Variants in STX1A observed in about 807,000 individuals in gnomAD.
STX1A encodes the protein syntaxin-1A.
A neutral mutation model predicts 37.8 loss-of-function variants in STX1A; 4 were observed. The ratio of observed to expected loss-of-function variants is 0.11; its 90% CI spans 0.05 to 0.24. The LOEUF is 0.24. Ranked by LOEUF, STX1A falls within the 10% of genes least tolerant of loss-of-function variation. The probability of loss-of-function intolerance (pLI) is 1.00; values close to 1 mark genes in which losing one functional copy is unlikely to be tolerated. For missense variants in STX1A, 251 were observed against 399.9 expected, an observed-to-expected ratio of 0.63 and a Z score of 3.18; for synonymous variants, 135 against 147.4, an observed-to-expected ratio of 0.92 and a Z score of 0.61.
At position 73,717,444 on chromosome 7, in the gene STX1A, C is replaced by T. The variant is rs1385477354; in HGVS notation, c.30+2158G>A. On this transcript the variant is annotated intron_variant, in intron 1 of 9. Coordinates refer to ENST00000222812, the MANE Select transcript of STX1A (RefSeq NM_004603.4). The surrounding 1 kb of genome is among the most constrained non-coding windows in gnomAD (Gnocchi z 4.1). ...TGGAGTCAGGAGACCTGTAGCCCTG[C>T]TTCTCGTCCCGAGAAACTGAATTCT... Among the ~76,000 whole-genome samples the T allele has an allele frequency of 2.0e-5, 3 of 152,190 alleles. No individual in the cohort carries two copies. The highest frequency in any genetic ancestry group is 4.4e-5 in the Non-Finnish European group (3 of 68,026).
chr7:73,715,271 A>G (rs1450200218), intron 1 of STX1A, among the ~76,000 whole-genome samples: 1 of 151,734 alleles, frequency 6.6e-6, no homozygotes, highest in Non-Finnish European at 1.5e-5. Context: ...AAAATACAAA[A>G]ATTAGCCGGG....
At chr7:73,707,416 G>A (rs1798913195) in intron 3 of STX1A, among the ~76,000 whole-genome samples, 2 of 152,168 alleles carry the variant, frequency 1.3e-5, no homozygotes, top group African/African-American at 4.8e-5. Context: ...GCTCCTTCCG[G>A]AAGCTCTGCC....
At chr7:73,707,414 C>T (rs782662709) in intron 3 of STX1A, among the ~76,000 whole-genome samples, 2 of 152,212 alleles carry the variant, frequency 1.3e-5, no homozygotes, top group African/African-American at 2.4e-5. Flanking sequence ...CAGCTCCTTC[C>T]GGAAGCTCTG....
Position 73,709,365 on chromosome 7 carries a change from C to T in STX1A, c.31-243G>A, listed in dbSNP as rs1554617622. Among the ~76,000 whole-genome samples, 1 of 151,990 alleles carries T rather than the reference C, an allele frequency of 6.6e-6. No homozygotes were observed. Among genetic ancestry groups the T allele is most frequent in the African/African-American group, 2.4e-5 (1 of 41,284 alleles). On this transcript the variant is annotated intron_variant, in intron 1 of 9. Transcript: ENST00000222812. The surrounding 1 kb of genome is among the most constrained non-coding windows in gnomAD (Gnocchi z 4.2). ...ACTGGTGTCAAGGCCAAGTCTCAGC[C>T]TCTGGGCCAGGGACTTCCTCCCTCA...
At chr7:73,710,828 T>A (rs944753723) in intron 1 of STX1A, among the ~76,000 whole-genome samples, 1 of 152,126 alleles carries the variant, frequency 6.6e-6, no homozygotes, top group Non-Finnish European at 1.5e-5. Context: ...CAGGTGGAGG[T>A]TGAGGGGCTG....
chr7:73,719,323 C>A (rs782061972), intron 1 of STX1A, among the ~76,000 whole-genome samples: 2 of 152,172 alleles, frequency 1.3e-5, no homozygotes, highest in South Asian at 4.1e-4. Context: ...TCCGAACCCC[C>A]CAAATCAAGA....
chr7:73,713,097 T>C (rs1356260522), intron 1 of STX1A, among the ~76,000 whole-genome samples: 3 of 152,218 alleles, frequency 2.0e-5, no homozygotes, highest in African/African-American at 7.2e-5. Context: ...GTGAAGGACC[T>C]TCTTCCTGTT....
chr7:73,714,830 G>C (rs1244507746), intron 1 of STX1A, among the ~76,000 whole-genome samples: 8 of 151,744 alleles, frequency 5.3e-5, no homozygotes, highest in Middle Eastern at 3.4e-3. Context: ...GACTGAATCA[G>C]AATTTATAGG....
chr7:73,701,515 C>T (rs1421927567), intron 8 of STX1A, among the ~76,000 whole-genome samples: 8 of 150,910 alleles, frequency 5.3e-5, no homozygotes, highest in African/African-American at 1.7e-4. Flanking sequence ...AGTGAGACTC[C>T]GTCTCAAAAA....
At position 73,700,335 on chromosome 7, in the gene STX1A, C is replaced by CCAGCCAGGTGGCAG; in HGVS notation, c.*58_*71dup. The CCAGCCAGGTGGCAG allele has an allele frequency of 1.3e-6, 2 of 1,526,582 alleles. No homozygotes were observed. The highest frequency in any genetic ancestry group is 9.1e-7 in the Non-Finnish European group (1 of 1,103,418). 94.6% of individuals were successfully genotyped at this position (1,526,582 alleles called of 1,614,324 possible). A position where few individuals can be genotyped will look rare whatever the true frequency, so the allele number is the denominator to read the frequency against. On this transcript the variant is annotated 3_prime_UTR_variant, in exon 10 of 10. Transcript: ENST00000222812. The surrounding 1 kb of genome is among the most constrained non-coding windows in gnomAD (Gnocchi z 4.4). The stretch of plus-strand genomic sequence containing the variant: ...CAGAGGCGGGGGTTGGGAGGGCAGC[C>CCAGCCAGGTGGCAG]CAGCCAGGTGGCAGCAGCCAGGGCC...
chr7:73,704,201 T>A lies in STX1A; in HGVS notation c.413A>T (p.Gln138Leu), dbSNP rs782758639. 1 of 1,608,886 alleles carries A rather than the reference T, an allele frequency of 6.2e-7. No homozygotes were observed. Among genetic ancestry groups the A allele is most frequent in the Non-Finnish European group, 8.5e-7 (1 of 1,176,964 alleles). The change falls in exon 6 of 10, where the codon CAG (glutamine) becomes CTG (leucine). Residue 138 changes from glutamine (Q) to leucine (L), a missense_variant. Physicochemically the swap from Gln to Leu is moderately radical, Grantham distance 113. Around this residue, in one of 2 missense-constraint regions of STX1A, gnomAD observed 214 missense variants for 367.6 expected, o/e 0.58. Transcript: ENST00000222812. ...TTTGCAGCGCTCGCGGTAGTCGGACTGCGTGGCGTTGTACTCCGACATGAC... is the reference window on the plus strand; with the variant it reads ...TTTGCAGCGCTCGCGGTAGTCGGACAGCGTGGCGTTGTACTCCGACATGAC... ...VEVMSEYNAT[Q>L]SDYRERCKGR...
rs1798617313 is a variant in STX1A at position 73,700,639 on chromosome 7, G to A, written c.789+91C>T. On this transcript the variant is annotated intron_variant, in intron 9 of 9. Coordinates refer to ENST00000222812, the MANE Select transcript of STX1A (RefSeq NM_004603.4). The surrounding 1 kb of genome is among the most constrained non-coding windows in gnomAD (Gnocchi z 4.4). Reference sequence around the variant, plus strand: ...CTGTCATGGGGAGCTCCTGAGAGAAGGGAGAGAGGTGGGATGGGGAGGGAT... The same window carrying A: ...CTGTCATGGGGAGCTCCTGAGAGAAAGGAGAGAGGTGGGATGGGGAGGGAT... 8.4e-6 allele frequency: 13 copies of A among 1,551,154 alleles called. No homozygotes were observed. Among genetic ancestry groups the A allele is most frequent in the South Asian group, 3.4e-5 (3 of 87,302 alleles).
Position 73,704,130 on chromosome 7 carries a change from G to GCC in STX1A, c.466+16_466+17dup. On this transcript the variant is annotated intron_variant, in intron 6 of 9. Coordinates refer to ENST00000222812, the MANE Select transcript of STX1A (RefSeq NM_004603.4). ...CTCCAGGCTCCAGGCCCCGCCCCAG[G>GCC]CCCCACCCCCAGCTCACTGATCTCC... 11 of 1,577,288 alleles carry GCC rather than the reference G, an allele frequency of 7.0e-6. No individual in the cohort carries two copies. Among genetic ancestry groups the GCC allele is most frequent in the African/African-American group, 2.7e-5 (2 of 74,494 alleles).
Position 73,700,112 on chromosome 7 carries a change from T to C in STX1A, c.*295A>G. ...CCGAGTTACTGAAGGCAAGGAAGGG[T>C]GGCCTGTGTCACCCTGGCGGCCCTG... On this transcript the variant is annotated 3_prime_UTR_variant, in exon 10 of 10. Transcript: ENST00000222812. The surrounding 1 kb of genome is among the most constrained non-coding windows in gnomAD (Gnocchi z 4.4). The C allele has an allele frequency of 1.5e-5, 7 of 476,664 alleles. No individual in the cohort carries two copies. Among genetic ancestry groups the C allele is most frequent in the South Asian group, 2.6e-5 (1 of 38,748 alleles). The allele number at this position is 476,664 out of a possible 1,614,324, so 29.5% of individuals were successfully genotyped here. A position where few individuals can be genotyped will look rare whatever the true frequency, so the allele number is the denominator to read the frequency against.
At chr7:73,703,483 A>G in intron 7 of STX1A, 2 of 665,096 alleles carry the variant, frequency 3.0e-6, no homozygotes. Context: ...GGAGAGGAAA[A>G]GGGCCCACGG....
chr7:73,704,342 G>A lies in STX1A; in HGVS notation c.357+8C>T, dbSNP rs1798791885. On this transcript the variant is annotated splice_region_variant and intron_variant, in intron 5 of 9. Coordinates refer to ENST00000222812, the MANE Select transcript of STX1A (RefSeq NM_004603.4). ...GGTGCCCGCCCATCCTAGACTCCGTGGCCGCACCTGTGTCTTCCGGATCCT... is the reference window on the plus strand; with the variant it reads ...GGTGCCCGCCCATCCTAGACTCCGTAGCCGCACCTGTGTCTTCCGGATCCT... The A allele has an allele frequency of 1.2e-6, 2 of 1,614,028 alleles. No individual in the cohort carries two copies. Among genetic ancestry groups the A allele is most frequent in the Non-Finnish European group, 8.5e-7 (1 of 1,180,034 alleles).
intron 1 of STX1A, among the ~76,000 whole-genome samples, chr7:73,718,952 G>T (rs1179528286): frequency 1.5e-5 from 2 of 130,008 alleles, no homozygotes; most frequent in Non-Finnish European, 3.3e-5. Context: ...GACCGGGGGC[G>T]GGTGTGACGC....
At chr7:73,719,354 A>G (rs1224104185) in intron 1 of STX1A, among the ~76,000 whole-genome samples, 5 of 152,158 alleles carry the variant, frequency 3.3e-5, no homozygotes, top group African/African-American at 4.8e-5. Context: ...AAGTTTATCC[A>G]GGACCCCGGA....
In STX1A at chr7:73,719,669, T is replaced by G. The variant is rs1291299224; in HGVS notation, c.-38A>C. 3 of 1,164,894 alleles carry G rather than the reference T, an allele frequency of 2.6e-6. No individual in the cohort carries two copies. The African/African-American group carries it at 4.9e-5, about 19-fold the overall frequency. 72.2% of individuals were successfully genotyped at this position (1,164,894 alleles called of 1,614,324 possible). The stretch of plus-strand genomic sequence containing the variant: ...GGCAGCGGCGCCGGCTGCAGCCGTG[T>G]GAGCCCCGCATGCGCGACGGCCGCC... On this transcript the variant is annotated 5_prime_UTR_variant, in exon 1 of 10. Transcript: ENST00000222812.
Sources: gnomAD v4.1 joint callset for allele counts (sites outside exome capture counted in the v4.1 genomes callset) on GRCh38, gnomAD v4.1.1 for gene constraint, gnomAD v4.1.1 regional missense constraint, Gnocchi (gnomAD v3.1) non-coding constraint, MANE v1.5 for transcripts, NCBI Gene and HGNC (gene_info 2026-07-23, HGNC 2026-07-21) for gene names.